The following R3HDM2 variants were observed in gnomAD, a reference collection of about 807,000 sequenced individuals.
R3HDM2 encodes the protein R3H domain containing 2, also known as R3H domain-containing protein 2.
In R3HDM2, 38 loss-of-function variants were observed where a neutral mutation model predicts 124.5. The ratio of observed to expected loss-of-function variants is 0.31; its 90% CI spans 0.24 to 0.40. R3HDM2 has a LOEUF of 0.40. Among genes scored for constraint, R3HDM2 ranks in the 10% least tolerant of loss-of-function variants. R3HDM2 has a pLI of 1.00. For missense variants in R3HDM2, 869 were observed against 1,236.9 expected (o/e 0.70, Z 4.46); for synonymous variants, 391 against 448.0 (o/e 0.87, Z 1.61).
chr12:57,418,000 C>T (rs2069815677), intron 1 of R3HDM2, among the ~76,000 whole-genome samples: 1 of 152,192 alleles, frequency 6.6e-6, no homozygotes. Context: ...ACAGATTAAA[C>T]CTTCTTGTGG....
At chr12:57,421,496 G>T (rs1462873094) in intron 1 of R3HDM2, among the ~76,000 whole-genome samples, 3 of 124,908 alleles carry the variant, frequency 2.4e-5, no homozygotes, top group Admixed American at 9.8e-5. Context: ...TCACTTCTCT[G>T]CCTTTTGGCT....
intron 11 of R3HDM2, among the ~76,000 whole-genome samples, chr12:57,292,261 C>T (rs2048827464): frequency 6.6e-6 from 1 of 152,158 alleles, no homozygotes; most frequent in African/African-American, 2.4e-5. Flanking sequence ...GTTTTAGAGG[C>T]AAGATTCAGA....
intron 2 of R3HDM2, among the ~76,000 whole-genome samples, chr12:57,317,958 C>A (rs1396706779): frequency 7.2e-6 from 1 of 139,626 alleles, no homozygotes; most frequent in East Asian, 2.1e-4. Flanking sequence ...CCAGCCTGGG[C>A]AACAGAGCGA....
chr12:57,332,323 G>A (rs1476435868), intron 2 of R3HDM2, among the ~76,000 whole-genome samples: 1 of 148,404 alleles, frequency 6.7e-6, no homozygotes, highest in African/African-American at 2.5e-5. Flanking sequence ...GCTGAGGTAA[G>A]AGGATCGCTT....
intron 2 of R3HDM2, among the ~76,000 whole-genome samples, chr12:57,394,420 C>T (rs1260538777): frequency 2.6e-5 from 4 of 152,100 alleles, no homozygotes; most frequent in African/African-American, 7.2e-5. Flanking sequence ...ACCAGCCTGG[C>T]CAACATGGCG....
chr12:57,387,133 G>A (rs113595656), intron 2 of R3HDM2, among the ~76,000 whole-genome samples: 1 of 152,190 alleles, frequency 6.6e-6, no homozygotes, highest in African/African-American at 2.4e-5. Flanking sequence ...GGATATGGGT[G>A]GGGTCAGATA....
chr12:57,384,930 C>G (rs886626004), intron 2 of R3HDM2, among the ~76,000 whole-genome samples: 2 of 152,028 alleles, frequency 1.3e-5, no homozygotes, highest in African/African-American at 4.8e-5. Flanking sequence ...GGGTGGATCA[C>G]GAGGTCAGGA....
At chr12:57,413,547 C>A (rs181738276) in intron 1 of R3HDM2, among the ~76,000 whole-genome samples, 1 of 151,490 alleles carries the variant, frequency 6.6e-6, no homozygotes, top group African/African-American at 2.4e-5. Context: ...ACCAGCCTGA[C>A]CAACATGGTG....
chr12:57,354,478 G>A (rs1329331557), intron 2 of R3HDM2, among the ~76,000 whole-genome samples: 1 of 151,714 alleles, frequency 6.6e-6, no homozygotes, highest in Non-Finnish European at 1.5e-5. Flanking sequence ...ATTTTTAGTA[G>A]AGATGGGGTT....
chr12:57,282,276 G>T (rs890406298), intron 13 of R3HDM2, among the ~76,000 whole-genome samples: 3 of 145,870 alleles, frequency 2.1e-5, no homozygotes, highest in African/African-American at 7.6e-5. Flanking sequence ...GTGCCATTGC[G>T]TAACAAGAGC....
At chr12:57,355,382 C>G (rs2061154872) in intron 2 of R3HDM2, among the ~76,000 whole-genome samples, 1 of 150,158 alleles carries the variant, frequency 6.7e-6, no homozygotes, top group Non-Finnish European at 1.5e-5. Context: ...TGGCGTGAAC[C>G]CGAGAGGCAG....
At chr12:57,417,174 T>A (rs1423649012) in intron 1 of R3HDM2, among the ~76,000 whole-genome samples, 1 of 150,336 alleles carries the variant, frequency 6.7e-6, no homozygotes, top group Admixed American at 6.6e-5. Flanking sequence ...GAGGCCAAGG[T>A]GGGTGGATCA....
chr12:57,368,445 G>A (rs1265630393), intron 2 of R3HDM2, among the ~76,000 whole-genome samples: 1 of 152,118 alleles, frequency 6.6e-6, no homozygotes, highest in Non-Finnish European at 1.5e-5. Flanking sequence ...TGATTTACTA[G>A]GGGACTTAAG....
chr12:57,281,674 T>G (rs2046174426), intron 13 of R3HDM2, among the ~76,000 whole-genome samples: 1 of 151,970 alleles, frequency 6.6e-6, no homozygotes, highest in Admixed American at 6.6e-5. Flanking sequence ...TTGGTAGAGA[T>G]GGGGTTTTGC....
In R3HDM2 at chr12:57,363,656, T is replaced by C. The variant is rs1051935496; in HGVS notation, c.-36+32093A>G. Among the ~76,000 whole-genome samples the C allele has an allele frequency of 3.3e-5, 5 of 152,138 alleles. No individual in the cohort carries two copies. The East Asian group carries it at 9.6e-4, about 29-fold the overall frequency. ...CTCATCTGATCATTACACATTAGAG[T>C]ATCAAAACATCATCACTATGTAACC... On this transcript the variant is annotated intron_variant, in intron 2 of 23. Transcript: ENST00000402412.
At chr12:57,298,197 A>C (rs2050301581) in intron 6 of R3HDM2, 29 bp from the exon 7 acceptor site, 1 of 1,462,958 alleles carries the variant, frequency 6.8e-7, no homozygotes, top group Non-Finnish European at 9.3e-7. Flanking sequence ...AAGAAATTAA[A>C]ATACATGAAA....
intron 2 of R3HDM2, among the ~76,000 whole-genome samples, chr12:57,319,364 T>C (rs1349864884): frequency 1.3e-5 from 2 of 152,158 alleles, no homozygotes; most frequent in Non-Finnish European, 2.9e-5. Flanking sequence ...AACCGTAGTC[T>C]TCCATAATTA....
intron 2 of R3HDM2, among the ~76,000 whole-genome samples, chr12:57,363,484 C>T (rs2062192629): frequency 6.6e-6 from 1 of 152,076 alleles, no homozygotes. Flanking sequence ...AAAACTATAG[C>T]TAGATAGGAG....
chr12:57,353,798 C>T (rs1399416863), intron 2 of R3HDM2, among the ~76,000 whole-genome samples: 1 of 152,098 alleles, frequency 6.6e-6, no homozygotes, highest in Non-Finnish European at 1.5e-5. Flanking sequence ...ATTCATTTCT[C>T]TTGCATAAAG....
Sources: allele counts gnomAD v4.1 joint callset (sites outside exome capture counted in the v4.1 genomes callset), GRCh38; gene constraint gnomAD v4.1.1; transcripts MANE v1.5; gene names NCBI Gene and HGNC (gene_info 2026-07-23, HGNC 2026-07-21).